Variants in NUS1 observed in about 807,000 individuals in gnomAD.
NUS1 encodes dehydrodolichyl diphosphate synthase complex subunit NUS1.
For missense variants in NUS1, 292 were observed against 382.9 expected (o/e 0.76, Z 1.98); for synonymous variants, 135 against 155.2 (o/e 0.87, Z 0.97).
chr6:117,702,212 T>C (rs556985603), intron 3 of NUS1, among the ~76,000 whole-genome samples: 1 of 152,230 alleles, frequency 6.6e-6, no homozygotes, highest in Non-Finnish European at 1.5e-5. Context: ...TGGGTTTTCC[T>C]ATTTGTTCTC....
intron 1 of NUS1, among the ~76,000 whole-genome samples, chr6:117,677,184 T>TA (rs1323699711): frequency 2.6e-5 from 4 of 152,236 alleles, no homozygotes; most frequent in African/African-American, 4.8e-5. Flanking sequence ...ATCTTGCATT[T>TA]AATTCCATGG....
chr6:117,681,659 G>A (rs1015489037), intron 1 of NUS1, among the ~76,000 whole-genome samples: 1 of 152,146 alleles, frequency 6.6e-6, no homozygotes, highest in African/African-American at 2.4e-5. Flanking sequence ...ATACTGAATA[G>A]TACAACCTAG....
chr6:117,681,859 G>A (rs1773065930), intron 1 of NUS1, among the ~76,000 whole-genome samples: 1 of 152,224 alleles, frequency 6.6e-6, no homozygotes, highest in Non-Finnish European at 1.5e-5. Flanking sequence ...TTGACATGGA[G>A]TCTGGCTCTG....
chr6:117,690,387 G>A (rs1773197903), intron 1 of NUS1, among the ~76,000 whole-genome samples: 1 of 152,120 alleles, frequency 6.6e-6, no homozygotes, highest in African/African-American at 2.4e-5. Context: ...GTATATGGCT[G>A]TCCCACGTTA....
intron 4 of NUS1, among the ~76,000 whole-genome samples, chr6:117,706,403 T>C (rs544981747): frequency 3.3e-5 from 5 of 152,204 alleles, no homozygotes; most frequent in Admixed American, 6.5e-5. Flanking sequence ...AATTCTTTAA[T>C]GGATTTAAAT....
chr6:117,707,192 C>T lies in NUS1; in HGVS notation c.*177C>T, dbSNP rs1251985850. ...GTGAGTGTGTGTGTGTGCGTGTGCA[C>T]GTGCACACATGTGCACGTTTGTATG... On this transcript the variant is annotated 3_prime_UTR_variant, in exon 5 of 5. Transcript: ENST00000368494. The T allele has an allele frequency of 1.2e-5, 7 of 583,320 alleles. No individual in the cohort carries two copies. The highest frequency in any genetic ancestry group is 5.6e-5 in the African/African-American group (3 of 53,230). The allele number at this position is 583,320 out of a possible 1,614,324, so 36.1% of individuals were successfully genotyped here. A position where few individuals can be genotyped will look rare whatever the true frequency, so the allele number is the denominator to read the frequency against.
intron 1 of NUS1, among the ~76,000 whole-genome samples, chr6:117,690,979 C>CAAAAA (rs71736900): frequency 9.6e-5 from 7 of 73,274 alleles, no homozygotes; most frequent in Admixed American, 1.7e-4. Flanking sequence ...GAGTCTGTCT[C>CAAAAA]AAAAAAAAAA....
chr6:117,697,073 G>A (rs1422816157), intron 3 of NUS1, among the ~76,000 whole-genome samples: 1 of 152,012 alleles, frequency 6.6e-6, no homozygotes, highest in Non-Finnish European at 1.5e-5. Context: ...GTTTATGCAA[G>A]CAGTGTGGTA....
At chr6:117,681,911 C>T (rs570447862) in intron 1 of NUS1, among the ~76,000 whole-genome samples, 5 of 152,290 alleles carry the variant, frequency 3.3e-5, no homozygotes, top group South Asian at 2.1e-4. Flanking sequence ...CGGCTCACTG[C>T]GACCTCTGCC....
At chr6:117,705,261 A>G (rs914314336) in intron 4 of NUS1, among the ~76,000 whole-genome samples, 7 of 152,168 alleles carry the variant, frequency 4.6e-5, no homozygotes, top group South Asian at 2.1e-4. Context: ...GTTTTCTCCA[A>G]GGGTTTTCAA....
chr6:117,700,310 G>C (rs1323691639), intron 3 of NUS1, among the ~76,000 whole-genome samples: 2 of 152,146 alleles, frequency 1.3e-5, no homozygotes, highest in African/African-American at 4.8e-5. Flanking sequence ...GATCTAATCT[G>C]ATTTTTTAAA....
intron 1 of NUS1, among the ~76,000 whole-genome samples, chr6:117,682,731 C>T (rs1322257362): frequency 3.3e-5 from 5 of 152,168 alleles, no homozygotes; most frequent in Admixed American, 2.0e-4. Context: ...TTTAAAAAGC[C>T]AGGTTCCAAA....
chr6:117,679,515 A>C, intron 1 of NUS1, among the ~76,000 whole-genome samples: 1 of 152,206 alleles, frequency 6.6e-6, no homozygotes, highest in Non-Finnish European at 1.5e-5. Flanking sequence ...TAAAACAACA[A>C]TTTATATATT....
rs1472381122 is a variant in NUS1 at position 117,709,280 on chromosome 6, A to G, written c.*2265A>G. 6.7e-6 allele frequency: 1 copy of G among 150,120 alleles called. No homozygotes were observed. The highest frequency in any genetic ancestry group is 1.5e-5 in the Non-Finnish European group (1 of 67,526). 9.3% of individuals were successfully genotyped at this position (150,120 alleles called of 1,614,324 possible). ...TATGTGTCTTTATTTGTATTGGAAA[A>G]TACTGTCTTTAAATTGTTTCTTGTT... On this transcript the variant is annotated 3_prime_UTR_variant, in exon 5 of 5. Coordinates refer to ENST00000368494, the MANE Select transcript of NUS1 (RefSeq NM_138459.5).
intron 1 of NUS1, among the ~76,000 whole-genome samples, chr6:117,691,558 GAT>G (rs60775803): frequency 0.085 from 11,613 of 136,822 alleles, 674 homozygotes; most frequent in African/African-American, 0.16. Flanking sequence ...CATAGATATA[GAT>G]ATATATATAT....
At chr6:117,696,093 A>G (rs1582472885) in intron 3 of NUS1, among the ~76,000 whole-genome samples, 1 of 152,052 alleles carries the variant, frequency 6.6e-6, no homozygotes, top group South Asian at 2.1e-4. Flanking sequence ...AGAGAGTGAA[A>G]TAATTAAAAA....
intron 1 of NUS1, among the ~76,000 whole-genome samples, chr6:117,678,348 G>T (rs1773013568): frequency 1.3e-5 from 2 of 152,160 alleles, no homozygotes; most frequent in African/African-American, 4.8e-5. Context: ...ATTTACAGGT[G>T]ACAGTTGGGG....
At chr6:117,701,390 G>A (rs763178819) in intron 3 of NUS1, among the ~76,000 whole-genome samples, 1 of 151,662 alleles carries the variant, frequency 6.6e-6, no homozygotes, top group African/African-American at 2.4e-5. Flanking sequence ...GACTACAGGC[G>A]CCCGCCACCG....
At chr6:117,692,929 CTTTG>C (rs1773262310) in intron 1 of NUS1, 109 bp from the exon 2 acceptor site, 1 of 843,242 alleles carries the variant, frequency 1.2e-6, no homozygotes, top group Non-Finnish European at 1.9e-6. Context: ...GTCATTACAG[CTTTG>C]TTTGACATTC....
Sources: gnomAD v4.1 joint callset for allele counts (sites outside exome capture counted in the v4.1 genomes callset) on GRCh38, gnomAD v4.1.1 for gene constraint, MANE v1.5 for transcripts, NCBI Gene and HGNC (gene_info 2026-07-23, HGNC 2026-07-21) for gene names.